Variants in DLGAP1 observed in about 807,000 individuals in gnomAD.
The protein encoded by DLGAP1 is disks large-associated protein 1.
A neutral mutation model predicts 90.8 loss-of-function variants in DLGAP1; 11 were observed. The observed-to-expected ratio is 0.12, with a 90% confidence interval of 0.08 to 0.20. The LOEUF (loss-of-function observed/expected upper bound fraction) is 0.20, where lower values mean the gene tolerates loss of function less well. Ranked by LOEUF, DLGAP1 falls within the 10% of genes least tolerant of loss-of-function variation. DLGAP1 has a pLI of 1.00. For missense variants in DLGAP1, 1,050 were observed against 1,333.8 expected, an observed-to-expected ratio of 0.79 and a Z score of 3.31; for synonymous variants, 558 against 540.7, an observed-to-expected ratio of 1.03 and a Z score of -0.44.
intron 2 of DLGAP1, among the ~76,000 whole-genome samples, chr18:4,009,306 T>C (rs930456990): frequency 1.3e-5 from 2 of 152,224 alleles, no homozygotes; most frequent in Non-Finnish European, 2.9e-5. Context: ...TGCTTTCCCG[T>C]CTGGCATCAC....
intron 2 of DLGAP1, among the ~76,000 whole-genome samples, chr18:4,109,310 C>G (rs1186377806): frequency 6.6e-6 from 1 of 152,066 alleles, no homozygotes; most frequent in Non-Finnish European, 1.5e-5. Context: ...AAATAATCAA[C>G]TTTTTGCCAT....
chr18:3,867,823 T>C (rs1167955122), intron 4 of DLGAP1, among the ~76,000 whole-genome samples: 2 of 152,240 alleles, frequency 1.3e-5, no homozygotes, highest in African/African-American at 2.4e-5. Context: ...TCAAAGTACA[T>C]GTTTTTAAAG....
intron 1 of DLGAP1, among the ~76,000 whole-genome samples, chr18:4,227,729 G>T (rs529791865): frequency 1.3e-5 from 2 of 150,648 alleles, no homozygotes; most frequent in African/African-American, 2.4e-5. Flanking sequence ...AACTATAAGC[G>T]CCTCCACCAA....
intron 2 of DLGAP1, among the ~76,000 whole-genome samples, chr18:4,139,953 A>G (rs73386758): frequency 0.018 from 2,764 of 152,010 alleles, 80 homozygotes; most frequent in African/African-American, 0.063. Flanking sequence ...TTCCATTTGC[A>G]TGGAATATCT....
At chr18:4,294,997 C>T (rs1176483280) in intron 1 of DLGAP1, 1 of 152,540 alleles carries the variant, frequency 6.6e-6, no homozygotes, top group Non-Finnish European at 1.5e-5. Context: ...CTCCTTGTTT[C>T]CTGTCTCCTC....
At chr18:4,069,296 G>T (rs1221475484) in intron 2 of DLGAP1, among the ~76,000 whole-genome samples, 1 of 152,124 alleles carries the variant, frequency 6.6e-6, no homozygotes, top group Non-Finnish European at 1.5e-5. Flanking sequence ...GATGAGAATT[G>T]GGGTCCCTCA....
At chr18:3,608,992 C>G (rs1341501065) in intron 7 of DLGAP1, among the ~76,000 whole-genome samples, 2 of 152,150 alleles carry the variant, frequency 1.3e-5, no homozygotes, top group Non-Finnish European at 2.9e-5. Flanking sequence ...TGTGCCACCA[C>G]GCCTGGCTAA....
At chr18:3,573,636 T>G (rs900361340) in intron 8 of DLGAP1, among the ~76,000 whole-genome samples, 1 of 152,198 alleles carries the variant, frequency 6.6e-6, no homozygotes, top group Non-Finnish European at 1.5e-5. Flanking sequence ...TGAAAGGTTT[T>G]TTTTTTCTTC....
intron 1 of DLGAP1, among the ~76,000 whole-genome samples, chr18:4,152,280 A>G (rs1042767347): frequency 3.9e-5 from 6 of 152,184 alleles, no homozygotes; most frequent in African/African-American, 1.2e-4. Context: ...TAATAAATCT[A>G]AGTAATAAGC....
intron 2 of DLGAP1, among the ~76,000 whole-genome samples, chr18:4,139,865 C>T (rs2076467583): frequency 6.6e-6 from 1 of 151,548 alleles, no homozygotes; most frequent in Admixed American, 6.6e-5. Flanking sequence ...AAATAATAAC[C>T]TTCTTTATTT....
chr18:4,219,042 T>G (rs964562708), intron 1 of DLGAP1, among the ~76,000 whole-genome samples: 2 of 148,942 alleles, frequency 1.3e-5, no homozygotes, highest in African/African-American at 4.9e-5. Flanking sequence ...TTTTTTTTTT[T>G]TTTTTTTTTA....
intron 4 of DLGAP1, among the ~76,000 whole-genome samples, chr18:3,863,311 T>C (rs1411661358): frequency 2.0e-5 from 3 of 152,226 alleles, no homozygotes; most frequent in Admixed American, 1.3e-4. Context: ...TCCTTTGCTT[T>C]ATGCCTCATG....
chr18:4,410,211 C>T (rs1310621334), intron 1 of DLGAP1, among the ~76,000 whole-genome samples: 1 of 152,132 alleles, frequency 6.6e-6, no homozygotes, highest in Non-Finnish European at 1.5e-5. Context: ...GTGTATACTG[C>T]TTGGGTGATG....
At chr18:3,719,558 A>AAAAC (rs2061899774) in intron 7 of DLGAP1, among the ~76,000 whole-genome samples, 1 of 141,908 alleles carries the variant, frequency 7.0e-6, no homozygotes, top group South Asian at 2.3e-4. Context: ...CTCTGTCTCA[A>AAAAC]AAAAAAAAAA....
At chr18:3,782,458 G>A (rs2148137112) in intron 5 of DLGAP1, among the ~76,000 whole-genome samples, 1 of 152,302 alleles carries the variant, frequency 6.6e-6, no homozygotes, top group East Asian at 1.9e-4. Context: ...TTTAAAGTAT[G>A]AAGCATTCGG....
intron 12 of DLGAP1, among the ~76,000 whole-genome samples, chr18:3,500,045 C>T (rs1248312744): frequency 6.6e-6 from 1 of 152,106 alleles, no homozygotes; most frequent in Admixed American, 6.5e-5. Context: ...TTGATATTTC[C>T]TACACTCGAG....
At chr18:4,406,022 G>A (rs2082656436) in intron 1 of DLGAP1, among the ~76,000 whole-genome samples, 1 of 152,196 alleles carries the variant, frequency 6.6e-6, no homozygotes, top group African/African-American at 2.4e-5. Flanking sequence ...AAACCGTAGA[G>A]GATTCCCATT....
chr18:4,237,574 C>T (rs1521426), intron 1 of DLGAP1, among the ~76,000 whole-genome samples: 74,964 of 151,832 alleles, frequency 0.49, 18,895 homozygotes, highest in East Asian at 0.69. Context: ...CTCTGCGGCC[C>T]TCTCTTCAAA....
intron 3 of DLGAP1, among the ~76,000 whole-genome samples, chr18:3,911,520 T>C (rs1348007920): frequency 6.6e-6 from 1 of 152,212 alleles, no homozygotes; most frequent in African/African-American, 2.4e-5. Flanking sequence ...TTGGAATAAC[T>C]AGGAAGTTGT....
Sources: allele counts gnomAD v4.1 joint callset (sites outside exome capture counted in the v4.1 genomes callset), GRCh38; gene constraint gnomAD v4.1.1; transcripts MANE v1.5; gene names NCBI Gene and HGNC (gene_info 2026-07-23, HGNC 2026-07-21).